Variants in FSTL5 observed in about 807,000 individuals in gnomAD.
The protein encoded by FSTL5 is follistatin like 5, also known as follistatin-related protein 5.
FSTL5 carries 62 observed loss-of-function variants against 89.1 expected under a neutral mutation model. The observed-to-expected ratio is 0.70, with a 90% CI of 0.57 to 0.86. The LOEUF (loss-of-function observed/expected upper bound fraction) is 0.86, where lower values mean the gene tolerates loss of function less well. FSTL5 is among the 40% of genes least tolerant of loss of function. The pLI is 0.00. For missense variants in FSTL5, 1,057 were observed against 1,001.6 expected (o/e 1.06, Z -0.75); for synonymous variants, 383 against 346.2 (o/e 1.11, Z -1.18).
At chr4:161,689,035 G>T (rs1579022736) in intron 6 of FSTL5, among the ~76,000 whole-genome samples, 1 of 152,198 alleles carries the variant, frequency 6.6e-6, no homozygotes, top group South Asian at 2.1e-4. Flanking sequence ...AGTTTTGTTG[G>T]GAAGCATTTA....
At chr4:161,730,652 C>T (rs140241633) in intron 6 of FSTL5, among the ~76,000 whole-genome samples, 139 of 152,192 alleles carry the variant, frequency 9.1e-4, no homozygotes, top group African/African-American at 3.2e-3. Context: ...TCCTTTTAGC[C>T]AGATTCTCAC....
intron 4 of FSTL5, among the ~76,000 whole-genome samples, chr4:161,810,847 A>T (rs1345740088): frequency 6.6e-6 from 1 of 152,204 alleles, no homozygotes; most frequent in Non-Finnish European, 1.5e-5. Flanking sequence ...GGTGACATAG[A>T]TATTACACCT....
intron 4 of FSTL5, among the ~76,000 whole-genome samples, chr4:161,852,170 G>T (rs1408687240): frequency 2.3e-5 from 2 of 88,478 alleles, no homozygotes; most frequent in African/African-American, 8.2e-5. Context: ...TTCAACATAG[G>T]TAGATATAAA....
At chr4:161,460,013 T>A (rs1560905573) in intron 13 of FSTL5, among the ~76,000 whole-genome samples, 3 of 151,676 alleles carry the variant, frequency 2.0e-5, no homozygotes, top group African/African-American at 7.2e-5. Context: ...AACAAAGTGA[T>A]GCCAGGAAGT....
intron 4 of FSTL5, among the ~76,000 whole-genome samples, chr4:161,831,935 T>C (rs1730858766): frequency 6.6e-6 from 1 of 151,974 alleles, no homozygotes. Flanking sequence ...TGTGGCTTTT[T>C]AACCTTATTA....
At chr4:162,141,579 G>A (rs191401438) in intron 1 of FSTL5, among the ~76,000 whole-genome samples, 21 of 152,154 alleles carry the variant, frequency 1.4e-4, no homozygotes, top group South Asian at 2.1e-4. Context: ...TTATTTCTTC[G>A]TATTATCCAG....
chr4:161,702,818 C>T (rs1481546772), intron 6 of FSTL5, among the ~76,000 whole-genome samples: 2 of 152,096 alleles, frequency 1.3e-5, no homozygotes, highest in Non-Finnish European at 2.9e-5. Context: ...TTCCCCTCTT[C>T]CCACTCAAAA....
chr4:162,097,849 T>C (rs1416687591), intron 2 of FSTL5, among the ~76,000 whole-genome samples: 2 of 151,908 alleles, frequency 1.3e-5, no homozygotes, highest in African/African-American at 4.8e-5. Flanking sequence ...ACCTGGAAAT[T>C]TCATACATTG....
intron 2 of FSTL5, among the ~76,000 whole-genome samples, chr4:162,073,084 T>C (rs1364287950): frequency 6.6e-6 from 1 of 151,808 alleles, no homozygotes; most frequent in African/African-American, 2.4e-5. Flanking sequence ...TTATTGCACT[T>C]GGGATGATTG....
chr4:161,938,407 T>C (rs1734489958), intron 3 of FSTL5, among the ~76,000 whole-genome samples: 2 of 152,092 alleles, frequency 1.3e-5, no homozygotes, highest in East Asian at 3.9e-4. Flanking sequence ...TACAGTTTTA[T>C]AGATGTATGC....
chr4:161,895,753 C>A (rs960306539), intron 4 of FSTL5, among the ~76,000 whole-genome samples: 1 of 152,176 alleles, frequency 6.6e-6, no homozygotes. Context: ...TCACAAAAAA[C>A]CATTAGGATT....
intron 7 of FSTL5, among the ~76,000 whole-genome samples, chr4:161,631,372 T>A (rs938764932): frequency 2.0e-5 from 3 of 152,154 alleles, no homozygotes; most frequent in African/African-American, 7.2e-5. Flanking sequence ...AATCCTAGCA[T>A]TTTGGGAGGC....
chr4:162,032,572 C>G (rs1249029848), intron 3 of FSTL5: 2 of 152,024 alleles, frequency 1.3e-5, no homozygotes, highest in Non-Finnish European at 2.9e-5. Flanking sequence ...GTTTTTTATT[C>G]TTCAGCAATA....
intron 4 of FSTL5, among the ~76,000 whole-genome samples, chr4:161,865,205 C>A (rs1560888741): frequency 6.6e-6 from 1 of 151,906 alleles, no homozygotes; most frequent in African/African-American, 2.4e-5. Context: ...CAGAAGACAA[C>A]CACAAAATCG....
chr4:161,736,419 C>CTTCATTAAA (rs1407286346), intron 6 of FSTL5, among the ~76,000 whole-genome samples: 1 of 151,976 alleles, frequency 6.6e-6, no homozygotes, highest in Non-Finnish European at 1.5e-5. Context: ...AGTGAATCTA[C>CTTCATTAAA]CACTTAAGAA....
At chr4:162,155,080 G>T (rs533419040) in intron 1 of FSTL5, among the ~76,000 whole-genome samples, 8 of 152,306 alleles carry the variant, frequency 5.3e-5, no homozygotes, top group African/African-American at 1.9e-4. Context: ...ACCTCACCTT[G>T]TGTGTAGGCA....
At chr4:161,646,588 T>C (rs1736162099) in intron 7 of FSTL5, among the ~76,000 whole-genome samples, 1 of 152,136 alleles carries the variant, frequency 6.6e-6, no homozygotes. Context: ...TTTTGCTAGC[T>C]AGCTATGCAC....
chr4:161,648,676 T>TA (rs34384127), intron 7 of FSTL5, among the ~76,000 whole-genome samples: 120,296 of 151,400 alleles, frequency 0.79, 48,028 homozygotes, highest in East Asian at 0.93. Flanking sequence ...TGGTCCTCTT[T>TA]AAAAAAAATA....
At chr4:161,605,048 A>T (rs981615783) in intron 7 of FSTL5, among the ~76,000 whole-genome samples, 10 of 152,202 alleles carry the variant, frequency 6.6e-5, no homozygotes, top group Non-Finnish European at 1.2e-4. Flanking sequence ...CCAAGCTAAG[A>T]AAACAAATGG....
Sources: allele counts gnomAD v4.1 joint callset (sites outside exome capture counted in the v4.1 genomes callset), GRCh38; gene constraint gnomAD v4.1.1; transcripts MANE v1.5; gene names NCBI Gene and HGNC (gene_info 2026-07-23, HGNC 2026-07-21).